The following CUL2 variants were observed in gnomAD, a reference collection of about 807,000 sequenced individuals.
The protein encoded by CUL2 is cullin 2.
CUL2 carries 22 observed loss-of-function variants against 110.2 expected under a neutral mutation model. The ratio of observed to expected loss-of-function variants is 0.20; its 90% CI spans 0.14 to 0.28. CUL2 has a LOEUF of 0.28. Among genes scored for constraint, CUL2 ranks in the 10% least tolerant of loss-of-function variants. The pLI is 1.00. For synonymous variants in CUL2, 279 were observed against 293.2 expected (o/e 0.95, Z 0.49); for missense variants, 631 against 905.5 (o/e 0.70, Z 3.89).
intron 1 of CUL2, among the ~76,000 whole-genome samples, chr10:35,082,363 A>T (rs1356468564): frequency 1.3e-5 from 2 of 152,176 alleles, no homozygotes; most frequent in African/African-American, 4.8e-5. Context: ...ATAAAGACAG[A>T]AAGAAGGATG....
intron 1 of CUL2, among the ~76,000 whole-genome samples, chr10:35,103,875 A>G (rs1007855371): frequency 3.9e-5 from 6 of 152,166 alleles, no homozygotes; most frequent in African/African-American, 1.2e-4. Flanking sequence ...AAGGTTTACA[A>G]TAAAATGTAA....
intron 1 of CUL2, among the ~76,000 whole-genome samples, chr10:35,123,516 A>G (rs943208045): frequency 6.6e-6 from 1 of 152,218 alleles, no homozygotes; most frequent in Non-Finnish European, 1.5e-5. Flanking sequence ...GCAAGTTTCT[A>G]CAGGCAAAAG....
intron 1 of CUL2, chr10:35,119,847 G>A (rs531081623): frequency 1.3e-4 from 20 of 152,294 alleles, no homozygotes; most frequent in African/African-American, 4.1e-4. Context: ...CCTGTGTTGA[G>A]ATTATAGGCA....
chr10:35,088,456 G>A (rs1347717202), intron 1 of CUL2, among the ~76,000 whole-genome samples: 1 of 137,676 alleles, frequency 7.3e-6, no homozygotes, highest in African/African-American at 2.7e-5. Flanking sequence ...AGCCCAGATC[G>A]TGCCACCGCA....
chr10:35,065,515 A>G (rs2086496101), intron 2 of CUL2, among the ~76,000 whole-genome samples: 1 of 152,194 alleles, frequency 6.6e-6, no homozygotes, highest in Non-Finnish European at 1.5e-5. Context: ...GCCACTCAAG[A>G]GGCTGAGGCA....
At chr10:35,110,246 A>G (rs1454050807) in intron 1 of CUL2, among the ~76,000 whole-genome samples, 3 of 152,196 alleles carry the variant, frequency 2.0e-5, no homozygotes, top group Non-Finnish European at 1.5e-5. Context: ...CTATAACAAA[A>G]TGCCACAGAC....
intron 1 of CUL2, among the ~76,000 whole-genome samples, chr10:35,085,129 T>C (rs1052736891): frequency 6.6e-6 from 1 of 151,104 alleles, no homozygotes; most frequent in Non-Finnish European, 1.5e-5. Context: ...CAAAAAATAA[T>C]AATAATAAAA....
intron 1 of CUL2, among the ~76,000 whole-genome samples, chr10:35,081,297 C>T (rs2086942205): frequency 6.6e-6 from 1 of 152,184 alleles, no homozygotes; most frequent in Admixed American, 6.6e-5. Context: ...CTGCAATGAA[C>T]TTTAGACTCC....
chr10:35,076,165 G>A (rs1457444330), intron 1 of CUL2, among the ~76,000 whole-genome samples: 4 of 152,094 alleles, frequency 2.6e-5, no homozygotes, highest in Admixed American at 2.6e-4. Flanking sequence ...TGAATGAAGA[G>A]GGCCACAAAA....
At chr10:35,097,119 T>A (rs2087309997) in intron 2 of CUL2, among the ~76,000 whole-genome samples, 1 of 152,136 alleles carries the variant, frequency 6.6e-6, no homozygotes, top group Admixed American at 6.6e-5. Context: ...CTCATGCCCC[T>A]TTTCTTCAAA....
intron 5 of CUL2, among the ~76,000 whole-genome samples, chr10:35,053,272 A>G (rs1287330779): frequency 1.3e-5 from 2 of 152,186 alleles, no homozygotes; most frequent in Non-Finnish European, 2.9e-5. Context: ...ACTACTGTTA[A>G]TATTTTGGTA....
At chr10:35,027,143 C>CTT (rs35508150) in intron 16 of CUL2, among the ~76,000 whole-genome samples, 10 of 127,586 alleles carry the variant, frequency 7.8e-5, no homozygotes, top group African/African-American at 8.5e-5. Flanking sequence ...ACTTTAGATA[C>CTT]TTTTTTTTTT....
chr10:35,099,745 CAAAAT>C (rs1380289871), intron 2 of CUL2: 1 of 151,236 alleles, frequency 6.6e-6, no homozygotes, highest in African/African-American at 2.4e-5. Context: ...AGACTCCACC[CAAAAT>C]AAAATAAAAA....
intron 1 of CUL2, among the ~76,000 whole-genome samples, 168 bp from the exon 2 acceptor site, chr10:35,071,507 CCATT>C (rs1236794215): frequency 6.6e-6 from 1 of 152,196 alleles, no homozygotes; most frequent in Non-Finnish European, 1.5e-5. Flanking sequence ...CAGGTTCACG[CCATT>C]CTCCTGCCTC....
intron 10 of CUL2, among the ~76,000 whole-genome samples, chr10:35,033,982 G>T (rs761658296): frequency 6.6e-6 from 1 of 152,154 alleles, no homozygotes; most frequent in Non-Finnish European, 1.5e-5. Context: ...TGAGAGAAAG[G>T]AGAGTTAAAA....
chr10:35,058,548 T>G (rs2086301680), intron 4 of CUL2, among the ~76,000 whole-genome samples: 1 of 152,194 alleles, frequency 6.6e-6, no homozygotes, highest in South Asian at 2.1e-4. Flanking sequence ...ACCTGATAAG[T>G]GTCGATTCTT....
chr10:35,014,392 GAAT>G (rs774152522), intron 18 of CUL2, among the ~76,000 whole-genome samples: 7 of 152,170 alleles, frequency 4.6e-5, no homozygotes, highest in Admixed American at 2.0e-4. Flanking sequence ...GCAATTTTTA[GAAT>G]AACAACTTCT....
At chr10:35,021,613 CTTTCA>C (rs1402530199) in intron 17 of CUL2, among the ~76,000 whole-genome samples, 2 of 151,250 alleles carry the variant, frequency 1.3e-5, no homozygotes, top group East Asian at 1.9e-4. Flanking sequence ...TTCCTTCCTT[CTTTCA>C]TTTATTATTT....
chr10:35,031,415 C>T lies in CUL2; in HGVS notation c.1300-29G>A. ...CATTTAAAAATATTTTAAAAGATTA[C>T]TTCCTTTCTAATGATTTAGCATTCA... On this transcript the variant is annotated intron_variant, in intron 13 of 20. Coordinates refer to ENST00000374749, the MANE Select transcript of CUL2 (RefSeq NM_003591.4). The surrounding 1 kb of genome is among the most constrained non-coding windows in gnomAD (Gnocchi z 4.4). 1.9e-6 allele frequency: 3 copies of T among 1,597,702 alleles called. No individual in the cohort carries two copies. Among genetic ancestry groups the T allele is most frequent in the Non-Finnish European group, 2.6e-6 (3 of 1,171,630 alleles).
Sources: gnomAD v4.1 joint callset for allele counts (sites outside exome capture counted in the v4.1 genomes callset) on GRCh38, gnomAD v4.1.1 for gene constraint, Gnocchi (gnomAD v3.1) non-coding constraint, MANE v1.5 for transcripts, NCBI Gene and HGNC (gene_info 2026-07-23, HGNC 2026-07-21) for gene names.